The following PYGB variants were observed in gnomAD, a reference collection of about 807,000 sequenced individuals.
PYGB encodes glycogen phosphorylase B.
PYGB carries 82 observed loss-of-function variants against 94.3 expected under a neutral mutation model. The observed-to-expected ratio is 0.87, with a 90% CI of 0.73 to 1.04. The LOEUF (loss-of-function observed/expected upper bound fraction) is 1.04, where lower values mean the gene tolerates loss of function less well. Ranked by LOEUF, PYGB falls within the 50% of genes least tolerant of loss-of-function variation. PYGB has a pLI of 0.00. For missense variants in PYGB, 1,132 were observed against 1,158.2 expected, an observed-to-expected ratio of 0.98 and a Z score of 0.33; for synonymous variants, 488 against 479.1, an observed-to-expected ratio of 1.02 and a Z score of -0.24.
intron 9 of PYGB, 121 bp from the exon 10 acceptor site, chr20:25,280,144 GT>G: frequency 8.2e-7 from 1 of 1,220,096 alleles, no homozygotes; most frequent in Non-Finnish European, 1.2e-6. Flanking sequence ...AGAGGGGACG[GT>G]GGCCCTTCCT....
chr20:25,280,822 C>G (rs1181388040), intron 10 of PYGB, 127 bp from the exon 11 acceptor site: 2 of 1,283,178 alleles, frequency 1.6e-6, no homozygotes, highest in East Asian at 4.7e-5. Context: ...TGTCACAGCC[C>G]CAGAACTTCC....
At position 25,248,102 on chromosome 20, in the gene PYGB, G is replaced by A. The variant is rs2092875538; in HGVS notation, c.-77G>A. ...CGGGCGCCAGAGCAGCGGCGCCAGA[G>A]CAGCTGCACCATCCCGGCGTTCGCG... On this transcript the variant is annotated 5_prime_UTR_variant, in exon 1 of 20. Coordinates refer to ENST00000216962, the MANE Select transcript of PYGB (RefSeq NM_002862.4). 1.4e-6 allele frequency: 2 copies of A among 1,393,662 alleles called. No homozygotes were observed. The highest frequency in any genetic ancestry group is 5.4e-5 in the Admixed American group (2 of 36,838). 86.3% of individuals were successfully genotyped at this position (1,393,662 alleles called of 1,614,324 possible).
In PYGB at chr20:25,260,937, G is replaced by A. The variant is rs181850709; in HGVS notation, c.345+1599G>A. ...GCGGCAGTGAGGCTTGGGGAGGGGCGTCCGCCATTGCTGAGGCTTGAGTAG... is the reference window on the plus strand; with the variant it reads ...GCGGCAGTGAGGCTTGGGGAGGGGCATCCGCCATTGCTGAGGCTTGAGTAG... On this transcript the variant is annotated intron_variant, in intron 2 of 19. Coordinates refer to ENST00000216962, the MANE Select transcript of PYGB (RefSeq NM_002862.4). 3.6e-3 allele frequency among the ~76,000 whole-genome samples: 551 copies of A among 152,346 alleles called. 2 individuals carry two copies. The highest frequency in any genetic ancestry group is 0.012 in the African/African-American group (501 of 41,580).
At chr20:25,291,378 G>C (rs2088466038) in intron 16 of PYGB, among the ~76,000 whole-genome samples, 1 of 151,948 alleles carries the variant, frequency 6.6e-6, no homozygotes, top group African/African-American at 2.4e-5. Flanking sequence ...CTGCCGCCGA[G>C]GGCCAAGGGC....
intron 1 of PYGB, among the ~76,000 whole-genome samples, chr20:25,251,709 T>C (rs2092888547): frequency 6.6e-6 from 1 of 152,190 alleles, no homozygotes; most frequent in Admixed American, 6.5e-5. Context: ...TGTGGGCCTT[T>C]GTGAAGCTGT....
chr20:25,295,549 C>T (rs569830803), intron 18 of PYGB, 55 bp from the exon 19 acceptor site: 3 of 1,548,160 alleles, frequency 1.9e-6, no homozygotes, highest in African/African-American at 1.4e-5. Flanking sequence ...CCCCTCGGGA[C>T]AGTGTGGGCA....
At chr20:25,279,757 C>T (rs980964118) in intron 9 of PYGB, among the ~76,000 whole-genome samples, 2 of 152,006 alleles carry the variant, frequency 1.3e-5, no homozygotes, top group African/African-American at 4.8e-5. Flanking sequence ...AACCATAAAA[C>T]GATTTTTTTT....
chr20:25,287,425 G>C (rs757301499), intron 14 of PYGB, among the ~76,000 whole-genome samples: 1 of 152,220 alleles, frequency 6.6e-6, no homozygotes, highest in East Asian at 1.9e-4. Flanking sequence ...CCTGATGACT[G>C]TTTGATGCCA....
At position 25,294,218 on chromosome 20, in the gene PYGB, C is replaced by T; in HGVS notation, c.2238C>T (p.Ile746=). 6.2e-7 allele frequency: 1 copy of T among 1,613,796 alleles called. No individual in the cohort carries two copies. Among genetic ancestry groups the T allele is most frequent in the South Asian group, 1.1e-5 (1 of 91,082 alleles). ...AGCTGAAGCAGGCCGTGGACCAGAT[C>T]AGCAGTGGCTTTTTTTCTCCCAAGG... ...LPELKQAVDQ[I]SSGFFSPKEP... is the part of the protein sequence containing the mutation. Residue 746 remains isoleucine (I), a synonymous_variant, in exon 18 of 20, where the codon ATC becomes ATT. Transcript: ENST00000216962.
rs775887140 is a variant in PYGB at position 25,270,195 on chromosome 20, TGTTTTG to T, written c.424+989_424+994del. ...ATTTTTTTAATCCTGAAGTTTTTTT[TGTTTTG>T]TTTTGTTTTTTTTTTTTTTGAGATG... On this transcript the variant is annotated intron_variant, in intron 3 of 19. Transcript: ENST00000216962. Among the ~76,000 whole-genome samples the T allele has an allele frequency of 2.9e-3, 361 of 125,238 alleles. 16 individuals carry two copies. The highest frequency in any genetic ancestry group is 0.011 in the African/African-American group (329 of 29,634). 82.2% of individuals were successfully genotyped at this position (125,238 alleles called of 152,430 possible). A position where few individuals can be genotyped will look rare whatever the true frequency, so the allele number is the denominator to read the frequency against.
At chr20:25,267,820 C>A (rs569081856) in intron 2 of PYGB, among the ~76,000 whole-genome samples, 1 of 152,144 alleles carries the variant, frequency 6.6e-6, no homozygotes, top group Non-Finnish European at 1.5e-5. Context: ...CTTGAGCCAC[C>A]GCACCCAGCC....
At chr20:25,256,633 A>G (rs1555805079) in intron 1 of PYGB, among the ~76,000 whole-genome samples, 1 of 152,244 alleles carries the variant, frequency 6.6e-6, no homozygotes. Context: ...GGGCCTCCTT[A>G]GAGCAGAGCT....
chr20:25,257,494 A>C (rs1001625215), intron 1 of PYGB, among the ~76,000 whole-genome samples: 1 of 152,200 alleles, frequency 6.6e-6, no homozygotes, highest in African/African-American at 2.4e-5. Context: ...TTCTAAGTAG[A>C]AGTTAGGAAC....
intron 14 of PYGB, 105 bp from the exon 15 acceptor site, chr20:25,288,320 G>C: frequency 7.9e-7 from 1 of 1,261,976 alleles, no homozygotes; most frequent in African/African-American, 1.5e-5. Context: ...ACATGGCGGA[G>C]CGTGCCTGTC....
chr20:25,280,684 C>CGGGCTGGGCCCTTTCCT (rs1468995388), intron 10 of PYGB, among the ~76,000 whole-genome samples: 1 of 152,192 alleles, frequency 6.6e-6, no homozygotes, highest in Non-Finnish European at 1.5e-5. Flanking sequence ...GTCCCTGGGC[C>CGGGCTGGGCCCTTTCCT]GGGCTGGGCC....
chr20:25,271,534 A>G (rs1437659936), intron 4 of PYGB, 48 bp downstream of exon 4: 11 of 1,565,910 alleles, frequency 7.0e-6, no homozygotes, highest in Non-Finnish European at 9.7e-6. Context: ...TCGTTCACAC[A>G]ATAAAATGGC....
chr20:25,282,073 A>C lies in PYGB; in HGVS notation c.1444A>C (p.Asn482His). 1 of 1,614,008 alleles carries C rather than the reference A, an allele frequency of 6.2e-7. No homozygotes were observed. Among genetic ancestry groups the C allele is most frequent in the Non-Finnish European group, 8.5e-7 (1 of 1,179,960 alleles). The change falls in exon 12 of 20, where the codon AAT becomes CAT. Residue 482 changes from asparagine (N) to histidine (H), a missense_variant. Physicochemically the swap from Asn to His is moderately conservative, Grantham distance 68. Transcript: ENST00000216962. ...TGAACTGGAGCCAGAGAAGTTCCAGAATAAGACCAATGGCATCACCCCCCG... is the reference window on the plus strand; with the variant it reads ...TGAACTGGAGCCAGAGAAGTTCCAGCATAAGACCAATGGCATCACCCCCCG... ...FYELEPEKFQ[N>H]KTNGITPRRW...
intron 1 of PYGB, among the ~76,000 whole-genome samples, chr20:25,257,912 G>A (rs977988141): frequency 2.6e-5 from 4 of 152,130 alleles, no homozygotes; most frequent in African/African-American, 4.8e-5. Flanking sequence ...TATTAAGTTC[G>A]TTCAAATGTA....
chr20:25,252,672 T>A (rs867149210), intron 1 of PYGB, among the ~76,000 whole-genome samples: 23 of 152,176 alleles, frequency 1.5e-4, no homozygotes, highest in African/African-American at 4.6e-4. Context: ...AGAGGGCAGG[T>A]CTGAGGGAGG....
Sources: allele counts gnomAD v4.1 joint callset (sites outside exome capture counted in the v4.1 genomes callset), GRCh38; gene constraint gnomAD v4.1.1; transcripts MANE v1.5; gene names NCBI Gene and HGNC (gene_info 2026-07-23, HGNC 2026-07-21).